Variants in WWOX observed in about 807,000 individuals in gnomAD.
WWOX encodes the protein WW domain containing oxidoreductase.
A neutral mutation model predicts 46.2 loss-of-function variants in WWOX; 69 were observed. The ratio of observed to expected loss-of-function variants is 1.49; its 90% CI spans 1.23 to 1.82. The LOEUF is 1.82. Among genes scored for constraint, WWOX ranks in the 40% most tolerant of loss-of-function variants. The pLI, the probability that WWOX is intolerant of heterozygous loss-of-function variation, is 0.00. For missense variants in WWOX, 919 were observed against 542.6 expected (o/e 1.69, Z -6.89); for synonymous variants, 359 against 202.6 (o/e 1.77, Z -6.56).
chr16:79,189,767 C>T (rs1008890992), intron 8 of WWOX, among the ~76,000 whole-genome samples: 10 of 151,500 alleles, frequency 6.6e-5, no homozygotes, highest in South Asian at 4.2e-4. Flanking sequence ...CCTGAAATTG[C>T]GAATACACAG....
chr16:78,405,621 A>G (rs747251164), intron 6 of WWOX, among the ~76,000 whole-genome samples: 52 of 152,248 alleles, frequency 3.4e-4, no homozygotes, highest in Non-Finnish European at 5.4e-4. Flanking sequence ...AACAATGTAT[A>G]TGTGTTTTTT....
chr16:79,146,141 A>G (rs989103642), intron 8 of WWOX, among the ~76,000 whole-genome samples: 1 of 152,192 alleles, frequency 6.6e-6, no homozygotes, highest in Non-Finnish European at 1.5e-5. Context: ...CAAGGAAGGA[A>G]GTGTATGATA....
At chr16:78,407,506 C>A (rs887701304) in intron 6 of WWOX, among the ~76,000 whole-genome samples, 1 of 152,176 alleles carries the variant, frequency 6.6e-6, no homozygotes, top group African/African-American at 2.4e-5. Flanking sequence ...TTAACAATTT[C>A]ACTTACAAAT....
At chr16:78,117,719 G>C (rs749898637) in intron 4 of WWOX, among the ~76,000 whole-genome samples, 1 of 152,194 alleles carries the variant, frequency 6.6e-6, no homozygotes, top group Non-Finnish European at 1.5e-5. Context: ...AAATGAAATA[G>C]CTGAATGCCG....
At chr16:79,069,195 G>C in intron 8 of WWOX, among the ~76,000 whole-genome samples, 1 of 152,174 alleles carries the variant, frequency 6.6e-6, no homozygotes, top group East Asian at 1.9e-4. Flanking sequence ...TCTTGACCTG[G>C]AATGGTGGAA....
At chr16:78,592,089 A>G (rs2151603762) in intron 8 of WWOX, among the ~76,000 whole-genome samples, 1 of 152,296 alleles carries the variant, frequency 6.6e-6, no homozygotes, top group South Asian at 2.1e-4. Flanking sequence ...TATTCACCTC[A>G]GCTGCAGTCA....
chr16:78,610,634 C>A (rs1435083016), intron 8 of WWOX, among the ~76,000 whole-genome samples: 1 of 151,902 alleles, frequency 6.6e-6, no homozygotes, highest in Non-Finnish European at 1.5e-5. Flanking sequence ...TATCTGTTGC[C>A]CCTTCTCCTA....
chr16:78,732,855 C>A (rs77396241), intron 8 of WWOX, among the ~76,000 whole-genome samples: 1 of 152,176 alleles, frequency 6.6e-6, no homozygotes, highest in Admixed American at 6.5e-5. Flanking sequence ...TAGGAATTAT[C>A]TCCCTTAGGT....
intron 8 of WWOX, among the ~76,000 whole-genome samples, chr16:78,973,772 C>T (rs1429115099): frequency 2.6e-5 from 4 of 152,190 alleles, no homozygotes; most frequent in Non-Finnish European, 5.9e-5. Flanking sequence ...TTTTTAATGA[C>T]ACAAGTTTCT....
At chr16:78,111,123 T>G (rs567802455) in intron 3 of WWOX, among the ~76,000 whole-genome samples, 1 of 152,218 alleles carries the variant, frequency 6.6e-6, no homozygotes, top group East Asian at 1.9e-4. Flanking sequence ...CTTGCATGGA[T>G]CCAGTGTGGT....
intron 8 of WWOX, among the ~76,000 whole-genome samples, chr16:79,054,298 C>A (rs941246018): frequency 6.6e-6 from 1 of 152,096 alleles, no homozygotes; most frequent in Non-Finnish European, 1.5e-5. Flanking sequence ...TAGTTAGGCC[C>A]GCAAAACATA....
At chr16:79,041,918 C>T (rs182425259) in intron 8 of WWOX, among the ~76,000 whole-genome samples, 1 of 152,084 alleles carries the variant, frequency 6.6e-6, no homozygotes, top group African/African-American at 2.4e-5. Flanking sequence ...GAACTGCTTT[C>T]TCCTCTCTAA....
intron 8 of WWOX, chr16:78,890,889 C>G (rs1469562864): frequency 6.6e-6 from 1 of 152,170 alleles, no homozygotes. Context: ...CATTCCTGCA[C>G]CACTTAATAA....
At chr16:78,472,065 A>AT (rs1425753862) in intron 8 of WWOX, among the ~76,000 whole-genome samples, 2 of 152,072 alleles carry the variant, frequency 1.3e-5, no homozygotes, top group South Asian at 2.1e-4. Context: ...TTGCCCACAC[A>AT]TTTTTTCTTA....
At chr16:79,095,503 A>T (rs947561034) in intron 8 of WWOX, among the ~76,000 whole-genome samples, 1 of 152,196 alleles carries the variant, frequency 6.6e-6, no homozygotes, top group Non-Finnish European at 1.5e-5. Flanking sequence ...CTGGTCCATC[A>T]GTCAGAATGT....
Position 78,307,100 on chromosome 16 carries a change from G to C in WWOX, c.517-79760G>C, listed in dbSNP as rs140640708. Among the ~76,000 whole-genome samples the C allele has an allele frequency of 1.4e-3, 220 of 152,170 alleles. 3 individuals are homozygous for C. The East Asian group carries it at 0.03, about 20-fold the overall frequency. On this transcript the variant is annotated intron_variant, in intron 5 of 8. Transcript: ENST00000566780. The stretch of plus-strand genomic sequence containing the variant: ...CCTCTACCATATCTTGTTTTCACTG[G>C]GATTTCTACACCGTGGCTACTTTGT...
intron 8 of WWOX, among the ~76,000 whole-genome samples, chr16:79,071,635 C>T (rs1358344783): frequency 6.6e-6 from 1 of 152,256 alleles, no homozygotes; most frequent in Non-Finnish European, 1.5e-5. Flanking sequence ...CAGTTACTCT[C>T]TGCTGGTTTT....
At chr16:79,168,178 G>C (rs1435617302) in intron 8 of WWOX, among the ~76,000 whole-genome samples, 2 of 152,074 alleles carry the variant, frequency 1.3e-5, no homozygotes, top group East Asian at 3.9e-4. Context: ...AATGACTTGT[G>C]TTGCCATAAA....
intron 8 of WWOX, among the ~76,000 whole-genome samples, chr16:78,935,724 G>C (rs138038007): frequency 1.1e-3 from 165 of 151,980 alleles, no homozygotes; most frequent in Non-Finnish European, 2.1e-3. Context: ...GCTGCACATT[G>C]TGCACATGTA....
Sources: gnomAD v4.1 joint callset for allele counts (sites outside exome capture counted in the v4.1 genomes callset) on GRCh38, gnomAD v4.1.1 for gene constraint, MANE v1.5 for transcripts, NCBI Gene and HGNC (gene_info 2026-07-23, HGNC 2026-07-21) for gene names.